Variants in ATMIN observed in about 807,000 individuals in gnomAD.
ATMIN encodes ATM interactor.
In ATMIN, 24 loss-of-function variants were observed where a neutral mutation model predicts 49.2. That is an observed-to-expected ratio of 0.49 (90% CI 0.35 to 0.69). The LOEUF is 0.69. Ranked by LOEUF, ATMIN falls within the 30% of genes least tolerant of loss-of-function variation. The pLI is 0.00. For missense variants in ATMIN, 1,037 were observed against 1,005.5 expected, an observed-to-expected ratio of 1.03 and a Z score of -0.42; for synonymous variants, 450 against 392.5, an observed-to-expected ratio of 1.15 and a Z score of -1.73.
In ATMIN at chr16:81,042,681, C is replaced by A. The variant is rs1374176105; in HGVS notation, c.662+201C>A. Among the ~76,000 whole-genome samples the A allele has an allele frequency of 2.6e-5, 4 of 152,154 alleles. No individual in the cohort carries two copies. The East Asian group carries it at 7.7e-4, about 29-fold the overall frequency. ...CTGAAATCTTGACCCAATTGTTCCC[C>A]CTATTTTTTTCTGCCAGCCCTCTTT... On this transcript the variant is annotated intron_variant, in intron 3 of 3. Coordinates refer to ENST00000299575, the MANE Select transcript of ATMIN (RefSeq NM_015251.3).
intron 1 of ATMIN, chr16:81,041,006 C>G (rs185216579): frequency 2.2e-5 from 5 of 222,806 alleles, no homozygotes; most frequent in Non-Finnish European, 3.6e-5. Flanking sequence ...GCTTCACTGA[C>G]GATGTGTTTG....
chr16:81,036,957 G>A (rs936889029), intron 1 of ATMIN, among the ~76,000 whole-genome samples: 1 of 152,236 alleles, frequency 6.6e-6, no homozygotes, highest in African/African-American at 2.4e-5. Context: ...TCAGGACTGA[G>A]ACCTAAGGGA....
At chr16:81,038,630 A>G (rs1429001564) in intron 1 of ATMIN, among the ~76,000 whole-genome samples, 1 of 152,048 alleles carries the variant, frequency 6.6e-6, no homozygotes, top group African/African-American at 2.4e-5. Flanking sequence ...GGTGCCCAGT[A>G]TGGAGATCTG....
At position 81,046,782 on chromosome 16, in the gene ATMIN, T is replaced by A. The variant is rs1235637053; in HGVS notation, c.*1812T>A. ...GGACTAATGATTCATTAAAGTAAAT[T>A]GATGGTTTTGCTACTAATTCCTATC... On this transcript the variant is annotated 3_prime_UTR_variant, in exon 4 of 4. Transcript: ENST00000299575. The A allele has an allele frequency of 6.6e-6, 1 of 152,504 alleles. No homozygotes were observed. Among genetic ancestry groups the A allele is most frequent in the Non-Finnish European group, 1.5e-5 (1 of 68,022 alleles). The allele number at this position is 152,504 out of a possible 1,614,324, so 9.4% of individuals were successfully genotyped here.
chr16:81,035,949 A>T lies in ATMIN; in HGVS notation c.79A>T (p.Thr27Ser). The change falls in exon 1 of 4, where the codon ACA (threonine) becomes TCA (serine). Residue 27 changes from threonine to serine, a missense_variant. Transcript: ENST00000299575. ...AGARAVPAAT[T>S]GAAAAASGPW... is the part of the protein sequence containing the mutation. ...TGCCCGGGCCGTCCCGGCGGCCACG[A>T]CAGGAGCCGCCGCCGCCGCCTCGGG... The T allele has an allele frequency of 9.9e-7, 1 of 1,013,748 alleles. No homozygotes were observed. The highest frequency in any genetic ancestry group is 5.9e-5 in the Admixed American group (1 of 16,870). The allele number at this position is 1,013,748 out of a possible 1,614,324, so 62.8% of individuals were successfully genotyped here.
At chr16:81,040,852 A>G (rs1039009336) in intron 1 of ATMIN, 2 of 156,118 alleles carry the variant, frequency 1.3e-5, no homozygotes, top group African/African-American at 2.4e-5. Flanking sequence ...ATTGAGGCTA[A>G]TGACAAAATC....
At chr16:81,037,029 C>T (rs1007265897) in intron 1 of ATMIN, among the ~76,000 whole-genome samples, 1 of 152,166 alleles carries the variant, frequency 6.6e-6, no homozygotes, top group Admixed American at 6.5e-5. Flanking sequence ...ACAATAGTCT[C>T]AACAACCCTC....
At chr16:81,041,645 A>G in intron 2 of ATMIN, 164 bp downstream of exon 2, 1 of 835,738 alleles carries the variant, frequency 1.2e-6, no homozygotes, top group South Asian at 2.0e-5. Context: ...ACACAAGTGG[A>G]GGGAAAAGCG....
intron 1 of ATMIN, among the ~76,000 whole-genome samples, chr16:81,039,660 CATT>C (rs1243156733): frequency 6.6e-6 from 1 of 152,142 alleles, no homozygotes; most frequent in East Asian, 1.9e-4. Flanking sequence ...AGTAAATGTA[CATT>C]TTTTTATTCC....
chr16:81,045,296 G>C lies in ATMIN; in HGVS notation c.*326G>C, dbSNP rs1334560339. 4.0e-6 allele frequency: 1 copy of C among 247,018 alleles called. No homozygotes were observed. Among genetic ancestry groups the C allele is most frequent in the South Asian group, 8.6e-5 (1 of 11,562 alleles). The allele number at this position is 247,018 out of a possible 1,614,324, so 15.3% of individuals were successfully genotyped here. A position where few individuals can be genotyped will look rare whatever the true frequency, so the allele number is the denominator to read the frequency against. On this transcript the variant is annotated 3_prime_UTR_variant, in exon 4 of 4. Coordinates refer to ENST00000299575, the MANE Select transcript of ATMIN (RefSeq NM_015251.3). ...ATTTAGCTGAAGCCCAGCTTACCAG[G>C]TTCAAGGGTACAAACTTCTCAAATC... is the stretch of plus-strand genomic sequence containing the variant.
rs745835210 is a variant in ATMIN at position 81,042,520 on chromosome 16, T to C, written c.662+40T>C. 16 of 1,590,782 alleles carry C rather than the reference T, an allele frequency of 1.0e-5. No homozygotes were observed. In the African/African-American group the frequency reaches 1.7e-4, roughly 17 times the overall value. On this transcript the variant is annotated intron_variant, in intron 3 of 3. Coordinates refer to ENST00000299575, the MANE Select transcript of ATMIN (RefSeq NM_015251.3). ...ATGATGGCACAGAAGTCAGTAGCTA[T>C]GGGAAGCATTTCAGATGAAACATCC...
intron 1 of ATMIN, among the ~76,000 whole-genome samples, chr16:81,039,473 A>G (rs892318671): frequency 6.6e-6 from 1 of 152,156 alleles, no homozygotes; most frequent in South Asian, 2.1e-4. Flanking sequence ...GGTGAGAATG[A>G]GGAATTGGAT....
rs1404824550 is a variant in ATMIN, at chr16:81,044,235, C to T, written c.1737C>T (p.Asn579=). 1.2e-6 allele frequency: 2 copies of T among 1,614,096 alleles called. No individual in the cohort carries two copies. Among genetic ancestry groups the T allele is most frequent in the Non-Finnish European group, 1.7e-6 (2 of 1,180,008 alleles). Residue 579 remains asparagine (N), a synonymous_variant, in exon 4 of 4, where the codon AAC becomes AAT. Coordinates refer to ENST00000299575, the MANE Select transcript of ATMIN (RefSeq NM_015251.3). ...SAQNSMLPSQ[N]MTDNQTQTID... Reference sequence around the variant, plus strand: ...AGAATAGTATGCTTCCTTCACAGAACATGACAGATAATCAGACCCAAACCA... The same window carrying T: ...AGAATAGTATGCTTCCTTCACAGAATATGACAGATAATCAGACCCAAACCA...
At chr16:81,041,757 T>C in intron 2 of ATMIN, 1 of 294,132 alleles carries the variant, frequency 3.4e-6, no homozygotes, top group Admixed American at 4.7e-5. Flanking sequence ...GCAGATCTCC[T>C]GTGTGAGTCT....
At chr16:81,036,575 G>A (rs1351767739) in intron 1 of ATMIN, among the ~76,000 whole-genome samples, 1 of 152,196 alleles carries the variant, frequency 6.6e-6, no homozygotes, top group South Asian at 2.1e-4. Context: ...TTATATTAAT[G>A]AGAAACAGAT....
intron 2 of ATMIN, chr16:81,041,714 C>T (rs1428115951): frequency 2.4e-6 from 1 of 411,212 alleles, no homozygotes; most frequent in East Asian, 4.2e-5. Context: ...AGAGAGTAAA[C>T]CAGTTCAGCA....
At chr16:81,036,292 G>GAATAAAAAAAT in intron 1 of ATMIN, 86 bp downstream of exon 1, 1 of 1,105,484 alleles carries the variant, frequency 9.0e-7, no homozygotes, top group Non-Finnish European at 1.1e-6. Flanking sequence ...CGGCCTCGGG[G>GAATAAAAAAAT]GGACGAGCGC....
chr16:81,036,323 C>T, intron 1 of ATMIN, 117 bp downstream of exon 1: 7 of 975,684 alleles, frequency 7.2e-6, no homozygotes, highest in Non-Finnish European at 8.7e-6. Context: ...GCCGCTGCCG[C>T]TGCCCCACCG....
chr16:81,040,686 CTT>C (rs1489525614), intron 1 of ATMIN: 2 of 152,234 alleles, frequency 1.3e-5, no homozygotes, highest in African/African-American at 2.4e-5. Context: ...GAGTAAGGGA[CTT>C]TGAGTATCCC....
Sources: gnomAD v4.1 joint callset for allele counts (sites outside exome capture counted in the v4.1 genomes callset) on GRCh38, gnomAD v4.1.1 for gene constraint, MANE v1.5 for transcripts, NCBI Gene and HGNC (gene_info 2026-07-23, HGNC 2026-07-21) for gene names.